Variants in B4GALT4 observed in about 807,000 individuals in gnomAD.
B4GALT4 encodes the protein N-acetyllactosamine synthase.
B4GALT4 carries 27 observed loss-of-function variants against 37.3 expected under a neutral mutation model. The ratio of observed to expected loss-of-function variants is 0.72; its 90% CI spans 0.53 to 1.00. The LOEUF is 1.00. B4GALT4 is among the 50% of genes least tolerant of loss of function. B4GALT4 has a pLI of 0.00. For missense variants in B4GALT4, 372 were observed against 413.1 expected, an observed-to-expected ratio of 0.90 and a Z score of 0.86; for synonymous variants, 148 against 154.1, an observed-to-expected ratio of 0.96 and a Z score of 0.29.
In B4GALT4 at chr3:119,212,480, G is replaced by T; in HGVS notation, c.*69C>A. 6.8e-7 allele frequency: 1 copy of T among 1,479,884 alleles called. No individual in the cohort carries two copies. Among genetic ancestry groups the T allele is most frequent in the Non-Finnish European group, 9.1e-7 (1 of 1,100,060 alleles). 91.7% of individuals were successfully genotyped at this position (1,479,884 alleles called of 1,614,324 possible). ...AGGTTCTTAATGTGTGCTACTATTT[G>T]AAGTCTCTAGGCCAAAATTATTGCA... On this transcript the variant is annotated 3_prime_UTR_variant, in exon 8 of 8. Transcript: ENST00000393765.
intron 5 of B4GALT4, among the ~76,000 whole-genome samples, chr3:119,220,525 A>G (rs944446492): frequency 6.6e-6 from 1 of 152,246 alleles, no homozygotes; most frequent in Non-Finnish European, 1.5e-5. Flanking sequence ...AGGTGTCGCC[A>G]CATCAGGAGG....
chr3:119,223,628 C>T (rs12487052), intron 5 of B4GALT4, among the ~76,000 whole-genome samples: 12,902 of 152,096 alleles, frequency 0.085, 634 homozygotes, highest in South Asian at 0.13. Flanking sequence ...TCTCCCCATA[C>T]TCTAGAAAGA....
intron 2 of B4GALT4, chr3:119,235,108 A>G (rs1486297730): frequency 6.6e-6 from 1 of 152,252 alleles, no homozygotes; most frequent in Admixed American, 6.5e-5. Context: ...CAAGACGGAT[A>G]AAATACTGAG....
chr3:119,224,312 T>A (rs1055587537), intron 4 of B4GALT4, 67 bp from the exon 5 acceptor site: 18 of 1,305,450 alleles, frequency 1.4e-5, no homozygotes, highest in Non-Finnish European at 1.4e-5. Context: ...TGCCTCTTAG[T>A]TAGGATTCAG....
chr3:119,214,698 A>G (rs1216855789), intron 7 of B4GALT4: 1 of 152,176 alleles, frequency 6.6e-6, no homozygotes, highest in Non-Finnish European at 1.5e-5. Context: ...TAAAAACTAT[A>G]CCCCAGAGTA....
At chr3:119,223,767 G>A (rs984778459) in intron 5 of B4GALT4, among the ~76,000 whole-genome samples, 2 of 152,168 alleles carry the variant, frequency 1.3e-5, no homozygotes, top group South Asian at 2.1e-4. Context: ...GAAAGCTTGC[G>A]AAAGCCCCCC....
intron 2 of B4GALT4, among the ~76,000 whole-genome samples, chr3:119,231,546 A>G (rs2107527811): frequency 6.6e-6 from 1 of 152,206 alleles, no homozygotes; most frequent in African/African-American, 2.4e-5. Context: ...TTAAATGACA[A>G]AAAGAAAAAC....
chr3:119,228,844 TGAGA>T (rs1559929038), intron 3 of B4GALT4, among the ~76,000 whole-genome samples: 12 of 151,732 alleles, frequency 7.9e-5, no homozygotes, highest in South Asian at 2.1e-4. Context: ...GCAAGAGGCA[TGAGA>T]TCTATCTATC....
intron 2 of B4GALT4, chr3:119,234,888 G>A (rs2078939421): frequency 6.6e-6 from 1 of 152,156 alleles, no homozygotes; most frequent in Non-Finnish European, 1.5e-5. Context: ...GTTAAAAATG[G>A]TCATGTTTTC....
At chr3:119,237,468 T>A (rs555361467) in intron 1 of B4GALT4, among the ~76,000 whole-genome samples, 7 of 152,256 alleles carry the variant, frequency 4.6e-5, no homozygotes, top group South Asian at 2.1e-4. Flanking sequence ...ATCAAATACA[T>A]AAAGGAATGT....
intron 1 of B4GALT4, among the ~76,000 whole-genome samples, chr3:119,238,643 C>T (rs7633720): frequency 0.06 from 9,158 of 152,024 alleles, 329 homozygotes; most frequent in African/African-American, 0.11. Flanking sequence ...TCTTACTGTG[C>T]CTAACTTATA....
At chr3:119,218,606 C>T (rs72655935) in intron 6 of B4GALT4, 44 bp downstream of exon 6, 2 of 1,612,640 alleles carry the variant, frequency 1.2e-6, no homozygotes, top group South Asian at 1.1e-5. Context: ...CAGAGCCACA[C>T]TGAGTGCAGA....
At position 119,239,514 on chromosome 3, in the gene B4GALT4, T is replaced by G. The variant is rs183366097; in HGVS notation, c.-364+1336A>C. Among the ~76,000 whole-genome samples the G allele has an allele frequency of 3.0e-3, 462 of 152,254 alleles. 4 individuals carry two copies. The highest frequency in any genetic ancestry group is 0.011 in the African/African-American group (448 of 41,536). ...AAGGTTAGTTCCCAAAACATTTGCA[T>G]GCATCTCTGGAAAAGGCAGGCATTA... is the stretch of plus-strand genomic sequence containing the variant. On this transcript the variant is annotated intron_variant, in intron 1 of 7. Coordinates refer to ENST00000393765, the MANE Select transcript of B4GALT4 (RefSeq NM_003778.4).
chr3:119,212,545 A>G lies in B4GALT4; in HGVS notation c.*4T>C. ...TCTTCCAAACATCACCAAAAGACCC[A>G]GGGTCATGCACCAAACCAGAAATCC... On this transcript the variant is annotated 3_prime_UTR_variant, in exon 8 of 8. Coordinates refer to ENST00000393765, the MANE Select transcript of B4GALT4 (RefSeq NM_003778.4). The G allele has an allele frequency of 2.5e-6, 4 of 1,583,996 alleles. No individual in the cohort carries two copies. Among genetic ancestry groups the G allele is most frequent in the Non-Finnish European group, 3.4e-6 (4 of 1,169,466 alleles).
rs1318073833 is a variant in B4GALT4, at chr3:119,222,260, CT to C, written c.674+1797del. Reference sequence around the variant, plus strand: ...GAGTAAGTGAACAGATGGTGACATGCTTTTGAAAAAACCAAGTTGCCCAGCC... The same window carrying C: ...GAGTAAGTGAACAGATGGTGACATGCTTTGAAAAAACCAAGTTGCCCAGCC... On this transcript the variant is annotated intron_variant, in intron 5 of 7. Coordinates refer to ENST00000393765, the MANE Select transcript of B4GALT4 (RefSeq NM_003778.4). Among the ~76,000 whole-genome samples, 9 of 152,182 alleles carry C rather than the reference CT, an allele frequency of 5.9e-5. No homozygotes were observed. The East Asian group carries it at 7.7e-4, about 13-fold the overall frequency.
At chr3:119,227,805 C>G (rs992084260) in intron 3 of B4GALT4, among the ~76,000 whole-genome samples, 1 of 152,174 alleles carries the variant, frequency 6.6e-6, no homozygotes, top group African/African-American at 2.4e-5. Context: ...GAGCTATCCC[C>G]TTCTGAGTAA....
intron 3 of B4GALT4, among the ~76,000 whole-genome samples, chr3:119,228,914 G>A (rs571287091): frequency 7.7e-6 from 1 of 130,458 alleles, no homozygotes; most frequent in African/African-American, 3.0e-5. Flanking sequence ...ATGTGTGTGC[G>A]CACACACACC....
rs767808972 is a variant in B4GALT4 at position 119,212,619 on chromosome 3, TAAG to T, written c.962_964del (p.Ser321del). 1.2e-6 allele frequency: 2 copies of T among 1,612,956 alleles called. No homozygotes were observed. Among genetic ancestry groups the T allele is most frequent in the African/African-American group, 2.7e-5 (2 of 74,882 alleles). ...ATTGTGTTCCACAGATACTAATTTA[TAAG>T]AACAACTACTCAACCCATCTGTTCT... On this transcript the variant is annotated inframe_deletion, in exon 8 of 8. Transcript: ENST00000393765.
At chr3:119,215,162 G>A (rs1046791816) in intron 7 of B4GALT4, 1 of 151,962 alleles carries the variant, frequency 6.6e-6, no homozygotes, top group East Asian at 1.9e-4. Context: ...ATTAACATTT[G>A]AGTCAGTGGA....
Sources: gnomAD v4.1 joint callset for allele counts (sites outside exome capture counted in the v4.1 genomes callset) on GRCh38, gnomAD v4.1.1 for gene constraint, MANE v1.5 for transcripts, NCBI Gene and HGNC (gene_info 2026-07-23, HGNC 2026-07-21) for gene names.